The following CNTN5 variants were observed in gnomAD, a reference collection of about 807,000 sequenced individuals.
The protein encoded by CNTN5 is contactin 5.
A neutral mutation model predicts 129.1 loss-of-function variants in CNTN5; 77 were observed. The observed-to-expected ratio is 0.60, with a 90% CI of 0.50 to 0.72. CNTN5 has a LOEUF of 0.72. Ranked by LOEUF, CNTN5 falls within the 30% of genes least tolerant of loss-of-function variation. CNTN5 has a pLI of 0.00. For missense variants in CNTN5, 1,478 were observed against 1,328.8 expected (o/e 1.11, Z -1.75); for synonymous variants, 509 against 465.6 (o/e 1.09, Z -1.20).
intron 3 of CNTN5, among the ~76,000 whole-genome samples, chr11:99,707,141 T>C (rs1954790414): frequency 6.6e-6 from 1 of 151,530 alleles, no homozygotes; most frequent in South Asian, 2.1e-4. Flanking sequence ...AGATGAAAAG[T>C]ACATGATGTG....
intron 1 of CNTN5, among the ~76,000 whole-genome samples, chr11:99,312,024 A>G (rs1865135390): frequency 6.6e-6 from 1 of 152,206 alleles, no homozygotes; most frequent in Non-Finnish European, 1.5e-5. Context: ...CTGGTTAGCC[A>G]GGAGATAAAT....
intron 2 of CNTN5, among the ~76,000 whole-genome samples, chr11:99,535,177 T>C (rs1278006098): frequency 6.6e-6 from 1 of 152,136 alleles, no homozygotes; most frequent in Non-Finnish European, 1.5e-5. Context: ...AAAAACAAAC[T>C]GGAGGGAGAC....
intron 2 of CNTN5, among the ~76,000 whole-genome samples, chr11:99,348,892 G>A (rs1045913398): frequency 2.0e-5 from 3 of 152,184 alleles, no homozygotes; most frequent in Admixed American, 6.5e-5. Context: ...ATTGATACGT[G>A]CATTCCACAA....
rs548251880 is a variant in CNTN5 at position 99,450,599 on chromosome 11, G to A, written c.-70-105546G>A. ...TGCCTGAGGCCACCCCACTAACAAT[G>A]AAAGAGTTAGAATTCAAACCCTGCC... On this transcript the variant is annotated intron_variant, in intron 2 of 24. Coordinates refer to ENST00000524871, the MANE Select transcript of CNTN5 (RefSeq NM_014361.4). Among the ~76,000 whole-genome samples, 7 of 152,146 alleles carry A rather than the reference G, an allele frequency of 4.6e-5. No homozygotes were observed. The South Asian group carries it at 1.2e-3, about 27-fold the overall frequency.
intron 1 of CNTN5, among the ~76,000 whole-genome samples, chr11:99,152,260 T>A (rs1292533763): frequency 6.6e-6 from 1 of 152,242 alleles, no homozygotes; most frequent in African/African-American, 2.4e-5. Context: ...GTTTATAGTA[T>A]AGCAACTTAA....
intron 1 of CNTN5, among the ~76,000 whole-genome samples, chr11:99,168,594 C>G (rs77567639): frequency 2.6e-5 from 4 of 151,684 alleles, no homozygotes; most frequent in Non-Finnish European, 4.4e-5. Flanking sequence ...CAAAACAAAA[C>G]AAAACAAAAG....
At chr11:99,481,978 T>A (rs1428430799) in intron 2 of CNTN5, among the ~76,000 whole-genome samples, 1 of 152,164 alleles carries the variant, frequency 6.6e-6, no homozygotes, top group African/African-American at 2.4e-5. Context: ...TAAGAATGAT[T>A]TAAGAATTAA....
At chr11:100,160,768 G>A (rs866199711) in intron 13 of CNTN5, among the ~76,000 whole-genome samples, 8 of 151,946 alleles carry the variant, frequency 5.3e-5, no homozygotes, top group Middle Eastern at 3.4e-3. Context: ...ATCATGCTGC[G>A]CACTTAATAT....
intron 3 of CNTN5, among the ~76,000 whole-genome samples, chr11:99,748,382 T>A (rs1178209044): frequency 1.3e-5 from 2 of 151,542 alleles, no homozygotes; most frequent in Non-Finnish European, 2.9e-5. Flanking sequence ...GATTCAATCT[T>A]TGTATTAGTC....
chr11:100,212,632 G>A (rs537073687), intron 15 of CNTN5, among the ~76,000 whole-genome samples: 36 of 152,170 alleles, frequency 2.4e-4, no homozygotes, highest in African/African-American at 8.4e-4. Context: ...ACGACCTTGG[G>A]GAAGTCATGT....
At chr11:99,832,998 TA>T (rs1252165717) in intron 4 of CNTN5, among the ~76,000 whole-genome samples, 1 of 152,134 alleles carries the variant, frequency 6.6e-6, no homozygotes, top group African/African-American at 2.4e-5. Flanking sequence ...AAGTTGATGT[TA>T]AAAAGAGGAT....
intron 2 of CNTN5, 99 bp from the exon 3 acceptor site, chr11:99,556,046 T>C (rs1565291357): frequency 2.3e-6 from 1 of 437,640 alleles, no homozygotes; most frequent in Non-Finnish European, 4.1e-6. Flanking sequence ...AATGGTTATT[T>C]ATCATGTTAT....
intron 13 of CNTN5, among the ~76,000 whole-genome samples, chr11:100,120,934 C>T (rs991349463): frequency 6.6e-5 from 10 of 151,500 alleles, no homozygotes; most frequent in African/African-American, 2.4e-4. Context: ...TTTTTTTCAA[C>T]AAACATTTTA....
chr11:100,356,932 T>C lies in CNTN5; in HGVS notation c.*712T>C. ...CTATAGTTTTTCATAAAGTACTATGTTATCTAGCAGCAAATATAATAAATA... is the reference window on the plus strand; with the variant it reads ...CTATAGTTTTTCATAAAGTACTATGCTATCTAGCAGCAAATATAATAAATA... On this transcript the variant is annotated 3_prime_UTR_variant, in exon 25 of 25. Coordinates refer to ENST00000524871, the MANE Select transcript of CNTN5 (RefSeq NM_014361.4). The C allele has an allele frequency of 1.3e-5, 2 of 151,848 alleles. No individual in the cohort carries two copies. Among genetic ancestry groups the C allele is most frequent in the South Asian group, 4.1e-4 (2 of 4,826 alleles). 9.4% of individuals were successfully genotyped at this position (151,848 alleles called of 1,614,324 possible). A position where few individuals can be genotyped will look rare whatever the true frequency, so the allele number is the denominator to read the frequency against.
At chr11:99,673,048 G>T (rs1953115845) in intron 3 of CNTN5, among the ~76,000 whole-genome samples, 1 of 152,002 alleles carries the variant, frequency 6.6e-6, no homozygotes, top group South Asian at 2.1e-4. Flanking sequence ...ACCCCAGCTG[G>T]GAGTGGTTCC....
At chr11:99,211,566 T>G (rs1859789505) in intron 1 of CNTN5, among the ~76,000 whole-genome samples, 1 of 152,028 alleles carries the variant, frequency 6.6e-6, no homozygotes, top group Non-Finnish European at 1.5e-5. Context: ...GAAATAGCTT[T>G]TCTTATTTGG....
chr11:99,984,319 G>C (rs1938537163), intron 8 of CNTN5, among the ~76,000 whole-genome samples: 1 of 150,858 alleles, frequency 6.6e-6, no homozygotes, highest in South Asian at 2.1e-4. Context: ...GAAAGGGAAG[G>C]GAGAAGAGGA....
chr11:99,525,750 T>G (rs1591217806), intron 2 of CNTN5, among the ~76,000 whole-genome samples: 2 of 152,224 alleles, frequency 1.3e-5, no homozygotes, highest in Admixed American at 1.3e-4. Context: ...CAATAATCAA[T>G]AGAGTCTTGA....
At chr11:99,345,930 A>G (rs1286887413) in intron 2 of CNTN5, among the ~76,000 whole-genome samples, 4 of 152,206 alleles carry the variant, frequency 2.6e-5, no homozygotes, top group Non-Finnish European at 5.9e-5. Context: ...ACAAATCAAA[A>G]GATACATGAG....
Sources: allele counts gnomAD v4.1 joint callset (sites outside exome capture counted in the v4.1 genomes callset), GRCh38; gene constraint gnomAD v4.1.1; transcripts MANE v1.5; gene names NCBI Gene and HGNC (gene_info 2026-07-23, HGNC 2026-07-21).